Variants in GABRP observed in about 807,000 individuals in gnomAD.
The protein encoded by GABRP is gamma-aminobutyric acid receptor subunit pi.
GABRP carries 52 observed loss-of-function variants against 47.8 expected under a neutral mutation model. That is an observed-to-expected ratio of 1.09 (90% CI 0.87 to 1.37). GABRP has a LOEUF of 1.37. Among genes scored for constraint, GABRP ranks in the 40% most tolerant of loss-of-function variants. The pLI, the probability that GABRP is intolerant of heterozygous loss-of-function variation, is 0.00. For synonymous variants in GABRP, 221 were observed against 205.8 expected, an observed-to-expected ratio of 1.07 and a Z score of -0.63; for missense variants, 525 against 542.8, an observed-to-expected ratio of 0.97 and a Z score of 0.33.
At chr5:170,788,493 C>T in intron 1 of GABRP, 81 bp from the exon 2 acceptor site, 1 of 912,106 alleles carries the variant, frequency 1.1e-6, no homozygotes, top group South Asian at 1.4e-5. Context: ...CTGTACCGAC[C>T]ACCCACCAGA....
intron 1 of GABRP, among the ~76,000 whole-genome samples, chr5:170,786,456 A>G (rs1765133803): frequency 6.6e-6 from 1 of 152,208 alleles, no homozygotes; most frequent in Admixed American, 6.5e-5. Flanking sequence ...ACAGTAGAAG[A>G]TGTGTTCTAG....
intron 6 of GABRP, 52 bp from the exon 7 acceptor site, chr5:170,805,664 A>G (rs1765713427): frequency 1.3e-5 from 21 of 1,601,236 alleles, no homozygotes; most frequent in Non-Finnish European, 1.7e-6. Flanking sequence ...AGACCAGACC[A>G]GTTCAATCTG....
chr5:170,811,162 G>A (rs1324476389), intron 9 of GABRP, among the ~76,000 whole-genome samples: 2 of 147,008 alleles, frequency 1.4e-5, no homozygotes, highest in Middle Eastern at 3.7e-3. Context: ...CTTGAGAAAT[G>A]TGCCACTAAT....
upstream of GABRP, chr5:170,782,917 A>G (rs879290664): frequency 6.6e-6 from 1 of 152,388 alleles, no homozygotes; most frequent in African/African-American, 2.4e-5. Flanking sequence ...GCTGGAGCCA[A>G]GAGTGAGTTT....
At chr5:170,799,860 G>A (rs1354288909) in intron 6 of GABRP, among the ~76,000 whole-genome samples, 1 of 152,152 alleles carries the variant, frequency 6.6e-6, no homozygotes, top group Non-Finnish European at 1.5e-5. Flanking sequence ...ACAAATGGAA[G>A]AACAGTCCAT....
At position 170,809,568 on chromosome 5, in the gene GABRP, G is replaced by T; in HGVS notation, c.833G>T (p.Gly278Val). Residue 278 changes from glycine (G) to valine (V), a missense_variant and splice_region_variant, in exon 9 of 10, where the codon GGA becomes GTA. Physicochemically the swap from Gly to Val is moderately radical, Grantham distance 109 (BLOSUM62 -3). Coordinates refer to ENST00000265294, the MANE Select transcript of GABRP (RefSeq NM_014211.3). The part of the protein sequence containing the change: ...LDSVPARTCI[G>V]VTTVLSMTTL... ...GAACATCCCCTGCCTGTTTTCCCAG[G>T]AGTGACGACCGTGTTATCAATGACC... is the stretch of plus-strand genomic sequence containing the variant. 6.2e-7 allele frequency: 1 copy of T among 1,613,520 alleles called. No individual in the cohort carries two copies. Among genetic ancestry groups the T allele is most frequent in the Non-Finnish European group, 8.5e-7 (1 of 1,179,970 alleles).
intron 6 of GABRP, among the ~76,000 whole-genome samples, chr5:170,802,852 C>T (rs1014126950): frequency 3.7e-5 from 5 of 133,614 alleles, no homozygotes; most frequent in African/African-American, 5.3e-5. Flanking sequence ...CCCCAGTGAG[C>T]GGAGGGAGCT....
intron 1 of GABRP, 198 bp from the exon 2 acceptor site, chr5:170,788,376 A>C (rs933684655): frequency 7.6e-5 from 32 of 420,902 alleles, no homozygotes; most frequent in South Asian, 8.2e-5. Flanking sequence ...AAAAAAAAAA[A>C]AACATAATCC....
Position 170,795,437 on chromosome 5 carries a change from C to A in GABRP, c.458+12C>A. 6.2e-7 allele frequency: 1 copy of A among 1,608,806 alleles called. No homozygotes were observed. The highest frequency in any genetic ancestry group is 8.5e-7 in the Non-Finnish European group (1 of 1,175,236). ...CTGTATGCCCTCAGGTACGCGGACA[C>A]CTGTGACCTCAGGGGTGGAGGACGG... On this transcript the variant is annotated intron_variant, in intron 5 of 9. Coordinates refer to ENST00000265294, the MANE Select transcript of GABRP (RefSeq NM_014211.3).
At chr5:170,797,606 T>G (rs1765465582) in intron 6 of GABRP, 58 bp downstream of exon 6, 3 of 1,038,978 alleles carry the variant, frequency 2.9e-6, no homozygotes, top group Non-Finnish European at 4.6e-6. Flanking sequence ...TAGGTGTGTG[T>G]ATTCATGAAA....
At chr5:170,809,468 T>C (rs999343449) in intron 8 of GABRP, 100 bp from the exon 9 acceptor site, 10 of 1,138,580 alleles carry the variant, frequency 8.8e-6, no homozygotes, top group Non-Finnish European at 1.2e-5. Flanking sequence ...TTCTGGGTCT[T>C]GCCCTCACCC....
intron 4 of GABRP, 41 bp from the exon 5 acceptor site, chr5:170,795,167 A>G: frequency 3.4e-6 from 5 of 1,450,924 alleles, no homozygotes; most frequent in Non-Finnish European, 4.8e-6. Context: ...TTTCTCACCC[A>G]CTACCCCCAT....
At chr5:170,786,189 A>G (rs1765127065) in intron 1 of GABRP, among the ~76,000 whole-genome samples, 1 of 152,200 alleles carries the variant, frequency 6.6e-6, no homozygotes, top group Non-Finnish European at 1.5e-5. Context: ...AATGGAGGGC[A>G]TGGGAGCTGC....
Position 170,808,626 on chromosome 5 carries a change from T to C in GABRP, c.706T>C (p.Phe236Leu). 6.2e-7 allele frequency: 1 copy of C among 1,614,064 alleles called. No homozygotes were observed. The highest frequency in any genetic ancestry group is 2.2e-5 in the East Asian group (1 of 44,878). Residue 236 changes from phenylalanine (F) to leucine (L), a missense_variant, in exon 8 of 10, where the codon TTT becomes CTT. Transcript: ENST00000265294. ...AAATTACACTAGATTGGTCTTACAG[T>C]TTGAGCTTCGGAGGAATGTTCTGTA... is the stretch of plus-strand genomic sequence containing the variant. ...TGNYTRLVLQ[F>L]ELRRNVLYFI...
In GABRP at chr5:170,809,708, G is replaced by A; in HGVS notation, c.973G>A (p.Ala325Thr). The change falls in exon 9 of 10, where the codon GCA (alanine) becomes ACA (threonine). Residue 325 changes from alanine to threonine, a missense_variant. Transcript: ENST00000265294. The stretch of plus-strand genomic sequence containing the variant: ...TGTGTTTGGGGCCTTGCTAGAATAT[G>A]CAGTTGCTCACTACAGTTCCTTACA... Reference protein sequence around the residue: ...SFVFGALLEYAVAHYSSLQQM... With the variant: ...SFVFGALLEYTVAHYSSLQQM... The A allele has an allele frequency of 1.2e-6, 2 of 1,611,664 alleles. No homozygotes were observed. The highest frequency in any genetic ancestry group is 1.7e-6 in the Non-Finnish European group (2 of 1,178,806).
Position 170,795,310 on chromosome 5 carries a change from C to T in GABRP, c.343C>T (p.Leu115Phe). The T allele has an allele frequency of 1.2e-6, 2 of 1,613,990 alleles. No individual in the cohort carries two copies. Among genetic ancestry groups the T allele is most frequent in the Non-Finnish European group, 1.7e-6 (2 of 1,180,000 alleles). Residue 115 changes from leucine to phenylalanine, a missense_variant, in exon 5 of 10, where the codon CTC (leucine) becomes TTC (phenylalanine). Leu to Phe is a conservative substitution (Grantham distance 22). Coordinates refer to ENST00000265294, the MANE Select transcript of GABRP (RefSeq NM_014211.3). ...TCTGGATGCCCGCCTCGTGGAGTTC[C>T]TCTGGGTGCCAGATACTTACATTGT... ...FTLDARLVEF[L>F]WVPDTYIVES...
chr5:170,793,264 A>G (rs775816334), intron 3 of GABRP, among the ~76,000 whole-genome samples: 2 of 152,186 alleles, frequency 1.3e-5, no homozygotes, highest in African/African-American at 2.4e-5. Context: ...ACTTTTCCCA[A>G]ATAAAGAACT....
intron 5 of GABRP, among the ~76,000 whole-genome samples, chr5:170,796,698 A>G (rs1765438294): frequency 6.6e-6 from 1 of 152,196 alleles, no homozygotes; most frequent in African/African-American, 2.4e-5. Flanking sequence ...GCACTCAGTA[A>G]ACCATAGCTA....
rs200682907 is a variant in GABRP at position 170,809,605 on chromosome 5, C to G, written c.870C>G (p.Ile290Met). ...TTVLSMTTLMIGSRTSLPNTN... is the reference protein window; with the variant it reads ...TTVLSMTTLMMGSRTSLPNTN... ...TGTTATCAATGACCACACTGATGAT[C>G]GGGTCCCGCACTTCTCTTCCCAACA... is the stretch of plus-strand genomic sequence containing the variant. The change falls in exon 9 of 10, where the codon ATC becomes ATG. Residue 290 changes from isoleucine to methionine, a missense_variant. Physicochemically the swap from Ile to Met is conservative, Grantham distance 10. Coordinates refer to ENST00000265294, the MANE Select transcript of GABRP (RefSeq NM_014211.3). 34 of 1,614,008 alleles carry G rather than the reference C, an allele frequency of 2.1e-5. No homozygotes were observed. The highest frequency in any genetic ancestry group is 2.8e-5 in the Non-Finnish European group (33 of 1,180,036).
Sources: gnomAD v4.1 joint callset for allele counts (sites outside exome capture counted in the v4.1 genomes callset) on GRCh38, gnomAD v4.1.1 for gene constraint, MANE v1.5 for transcripts, NCBI Gene and HGNC (gene_info 2026-07-23, HGNC 2026-07-21) for gene names.